The following NUDCD3 variants were observed in gnomAD, a reference collection of about 807,000 sequenced individuals.
The protein encoded by NUDCD3 is nudC domain-containing protein 3.
A neutral mutation model predicts 39.7 loss-of-function variants in NUDCD3; 13 were observed. That is an observed-to-expected ratio of 0.33 (90% CI 0.21 to 0.52). The LOEUF (loss-of-function observed/expected upper bound fraction) is 0.52. Among genes scored for constraint, NUDCD3 ranks in the 20% least tolerant of loss-of-function variants. The probability of loss-of-function intolerance (pLI) is 0.96; values close to 1 mark genes in which losing one functional copy is unlikely to be tolerated. For synonymous variants in NUDCD3, 175 were observed against 172.4 expected (o/e 1.02, Z -0.12); for missense variants, 453 against 458.1 (o/e 0.99, Z 0.10).
intron 2 of NUDCD3, among the ~76,000 whole-genome samples, chr7:44,442,073 G>A (rs947289288): frequency 3.9e-5 from 6 of 152,130 alleles, no homozygotes; most frequent in African/African-American, 1.2e-4. Flanking sequence ...TGTTCCTGGG[G>A]TTAATGAGTG....
In NUDCD3 at chr7:44,428,123, TAAAAAAAA is replaced by T. The variant is rs55642004; in HGVS notation, c.510-428_510-421del. The stretch of plus-strand genomic sequence containing the variant: ...TAAACTGCTTGGCAGGGTCAATCTT[TAAAAAAAA>T]AAAAAAAAAAAAAAAAAAAGAGGCC... On this transcript the variant is annotated intron_variant, in intron 2 of 5. Transcript: ENST00000355451. 5.9e-4 allele frequency among the ~76,000 whole-genome samples: 45 copies of T among 76,102 alleles called. 1 individual carries two copies. The highest frequency in any genetic ancestry group is 3.9e-3 in the Admixed American group (24 of 6,138). The allele number at this position is 76,102 out of a possible 152,430, so 49.9% of individuals were successfully genotyped here. A position where few individuals can be genotyped will look rare whatever the true frequency, so the allele number is the denominator to read the frequency against.
chr7:44,437,972 G>A (rs1206964186), intron 2 of NUDCD3, among the ~76,000 whole-genome samples: 1 of 152,126 alleles, frequency 6.6e-6, no homozygotes, highest in African/African-American at 2.4e-5. Flanking sequence ...GAGGGAAAGA[G>A]GCTTCCTAAT....
chr7:44,435,348 T>G (rs1352974696), intron 2 of NUDCD3, among the ~76,000 whole-genome samples: 2 of 152,214 alleles, frequency 1.3e-5, no homozygotes, highest in South Asian at 2.1e-4. Flanking sequence ...TGGGGAACTG[T>G]CAAAGACCAG....
intron 5 of NUDCD3, among the ~76,000 whole-genome samples, chr7:44,391,130 T>C (rs1798506612): frequency 6.6e-6 from 1 of 151,706 alleles, no homozygotes. Flanking sequence ...AGAAATTCAA[T>C]CTCTCTATTG....
chr7:44,429,582 T>C (rs546416268), intron 2 of NUDCD3, among the ~76,000 whole-genome samples: 1 of 152,310 alleles, frequency 6.6e-6, no homozygotes, highest in South Asian at 2.1e-4. Flanking sequence ...GCCGGCCATT[T>C]TGTGGTACGT....
intron 3 of NUDCD3, among the ~76,000 whole-genome samples, chr7:44,425,014 CCAT>C (rs1015681690): frequency 8.4e-4 from 128 of 152,222 alleles, no homozygotes; most frequent in African/African-American, 2.9e-3. Context: ...AAGCTGGAAA[CCAT>C]CATCCTGAGC....
chr7:44,475,760 A>G (rs1043508146), intron 2 of NUDCD3, among the ~76,000 whole-genome samples: 4 of 152,080 alleles, frequency 2.6e-5, no homozygotes, highest in Non-Finnish European at 1.5e-5. Context: ...GAGTAAGACT[A>G]TGTCTCAAAA....
At chr7:44,447,964 A>G (rs974844084) in intron 2 of NUDCD3, among the ~76,000 whole-genome samples, 6 of 152,324 alleles carry the variant, frequency 3.9e-5, no homozygotes, top group Non-Finnish European at 7.4e-5. Flanking sequence ...AATGGTCTAT[A>G]GTCACATACC....
chr7:44,473,587 G>A (rs1158364443), intron 2 of NUDCD3, among the ~76,000 whole-genome samples: 1 of 152,174 alleles, frequency 6.6e-6, no homozygotes, highest in Non-Finnish European at 1.5e-5. Context: ...GTCTGTGCAT[G>A]TGTACTATAT....
chr7:44,403,754 CATT>C (rs760641297), intron 4 of NUDCD3, among the ~76,000 whole-genome samples: 26 of 152,176 alleles, frequency 1.7e-4, no homozygotes, highest in Non-Finnish European at 3.7e-4. Flanking sequence ...TTTGTCCAGA[CATT>C]ATATTTTTCT....
chr7:44,393,981 A>G (rs1798571342), intron 4 of NUDCD3, among the ~76,000 whole-genome samples: 1 of 152,182 alleles, frequency 6.6e-6, no homozygotes, highest in Admixed American at 6.5e-5. Flanking sequence ...TCCCACCTCC[A>G]AGCTCCTGCT....
chr7:44,398,612 A>G (rs1258653123), intron 4 of NUDCD3, among the ~76,000 whole-genome samples: 1 of 152,010 alleles, frequency 6.6e-6, no homozygotes, highest in Non-Finnish European at 1.5e-5. Flanking sequence ...GCATCCCCCA[A>G]TCTGCGCTGA....
intron 2 of NUDCD3, among the ~76,000 whole-genome samples, chr7:44,429,119 T>C (rs1345465122): frequency 6.6e-6 from 1 of 152,198 alleles, no homozygotes; most frequent in Admixed American, 6.5e-5. Context: ...ACTGTGGGTA[T>C]GCCCTGCACA....
chr7:44,410,028 CAG>C (rs755563332), intron 3 of NUDCD3, among the ~76,000 whole-genome samples: 2 of 152,200 alleles, frequency 1.3e-5, no homozygotes, highest in East Asian at 1.9e-4. Flanking sequence ...GAAAAATAAA[CAG>C]AGTCACAGAA....
chr7:44,436,430 T>C (rs992642519), intron 2 of NUDCD3, among the ~76,000 whole-genome samples: 2 of 152,192 alleles, frequency 1.3e-5, no homozygotes, highest in Non-Finnish European at 2.9e-5. Context: ...GAGTTTGTCT[T>C]GGCTATACAA....
chr7:44,393,166 T>C (rs1243045581), intron 4 of NUDCD3, among the ~76,000 whole-genome samples: 2 of 152,004 alleles, frequency 1.3e-5, no homozygotes, highest in Non-Finnish European at 2.9e-5. Context: ...TAAAGTTCTC[T>C]GATGGCTTGG....
At chr7:44,392,094 C>T (rs1798527520) in intron 5 of NUDCD3, among the ~76,000 whole-genome samples, 1 of 152,238 alleles carries the variant, frequency 6.6e-6, no homozygotes, top group Admixed American at 6.5e-5. Flanking sequence ...GAGAACACAG[C>T]TGAAAGACCA....
intron 2 of NUDCD3, among the ~76,000 whole-genome samples, chr7:44,433,774 A>G (rs894694998): frequency 6.6e-6 from 1 of 152,066 alleles, no homozygotes; most frequent in Non-Finnish European, 1.5e-5. Flanking sequence ...GTTTCTTCAC[A>G]TGCCACTGTG....
At position 44,390,836 on chromosome 7, in the gene NUDCD3, G is replaced by A. The variant is rs1252634626; in HGVS notation, c.975+1461C>T. 3.3e-5 allele frequency among the ~76,000 whole-genome samples: 5 copies of A among 152,310 alleles called. No homozygotes were observed. The South Asian group carries it at 8.3e-4, about 25-fold the overall frequency. On this transcript the variant is annotated intron_variant, in intron 5 of 5. Transcript: ENST00000355451. Reference sequence around the variant, plus strand: ...GGCAAATGCAGCATAACTGGAATGAGCCATAACCAGGCAGGTCTGGCTGTC... The same window carrying A: ...GGCAAATGCAGCATAACTGGAATGAACCATAACCAGGCAGGTCTGGCTGTC...
Sources: gnomAD v4.1 joint callset for allele counts (sites outside exome capture counted in the v4.1 genomes callset) on GRCh38, gnomAD v4.1.1 for gene constraint, MANE v1.5 for transcripts, NCBI Gene and HGNC (gene_info 2026-07-23, HGNC 2026-07-21) for gene names.